The following CDC20 variants were observed in gnomAD, a reference collection of about 807,000 sequenced individuals.
The protein encoded by CDC20 is cell division cycle protein 20 homolog.
In CDC20, 34 loss-of-function variants were observed where a neutral mutation model predicts 60.0. That is an observed-to-expected ratio of 0.57 (90% CI 0.43 to 0.75). CDC20 has a LOEUF of 0.75. Ranked by LOEUF, CDC20 falls within the 30% of genes least tolerant of loss-of-function variation. The pLI, the probability that CDC20 is intolerant of heterozygous loss-of-function variation, is 0.00. For missense variants in CDC20, 469 were observed against 647.3 expected (o/e 0.72, Z 2.99); for synonymous variants, 198 against 243.5 (o/e 0.81, Z 1.74).
chr1:43,362,363 T>C (rs763187931), intron 10 of CDC20, 51 bp downstream of exon 10: 4 of 801,054 alleles, frequency 5.0e-6, no homozygotes, highest in Admixed American at 3.7e-5. Flanking sequence ...AATGTATGAC[T>C]GAAATGTCCA....
intron 9 of CDC20, 55 bp from the exon 10 acceptor site, chr1:43,362,140 T>C: frequency 9.6e-7 from 1 of 1,041,948 alleles, no homozygotes; most frequent in South Asian, 1.3e-5. Flanking sequence ...TGGGCTCAGT[T>C]CTGATTTAAG....
chr1:43,360,245 C>T lies in CDC20; in HGVS notation c.609C>T (p.Asp203=), dbSNP rs143085991. The T allele has an allele frequency of 1.0e-4, 165 of 1,614,196 alleles. No homozygotes were observed. In the African/African-American group the frequency reaches 1.8e-3, roughly 18 times the overall value. The change falls in exon 6 of 11, where the codon GAC becomes GAT. Residue 203 remains aspartate, a synonymous_variant. Coordinates refer to ENST00000310955, the MANE Select transcript of CDC20 (RefSeq NM_001255.3). The part of the protein sequence containing the change: ...SSGNVLAVAL[D]NSVYLWSASS... ...GGAATGTACTGGCCGTGGCACTGGA[C>T]AACAGTGTGTACCTGTGGAGTGCAA...
Position 43,359,737 on chromosome 1 carries a change from G to A in CDC20, c.343G>A (p.Ala115Thr), listed in dbSNP as rs749961221. Reference sequence around the variant, plus strand: ...CCCTTTATGCCAGGAACATCAGAAAGCCTGGGCTTTGAACCTGAACGGTTT... The same window carrying A: ...CCCTTTATGCCAGGAACATCAGAAAACCTGGGCTTTGAACCTGAACGGTTT... ...QTPTKKEHQK[A>T]WALNLNGFDV... The change falls in exon 4 of 11, where the codon GCC (alanine) becomes ACC (threonine). Residue 115 changes from alanine (A) to threonine (T), a missense_variant. Ala to Thr is a moderately conservative substitution (Grantham distance 58). Coordinates refer to ENST00000310955, the MANE Select transcript of CDC20 (RefSeq NM_001255.3). 5 of 1,613,766 alleles carry A rather than the reference G, an allele frequency of 3.1e-6. No homozygotes were observed. The highest frequency in any genetic ancestry group is 1.3e-5 in the African/African-American group (1 of 74,922).
At position 43,359,201 on chromosome 1, in the gene CDC20, C is replaced by T. The variant is rs779031369; in HGVS notation, c.-15C>T. On this transcript the variant is annotated 5_prime_UTR_variant, in exon 2 of 11. Transcript: ENST00000310955. ...GGCACCAACTGCAAGGACCCCTCCC[C>T]CTGCGGGCGCTCCCATGGCACAGTT... 1.1e-5 allele frequency: 18 copies of T among 1,611,532 alleles called. No individual in the cohort carries two copies. The highest frequency in any genetic ancestry group is 1.5e-5 in the Non-Finnish European group (18 of 1,179,886).
chr1:43,361,115 T>A lies in CDC20; in HGVS notation c.1078-5T>A, dbSNP rs1414661384. The A allele has an allele frequency of 1.9e-6, 3 of 1,613,892 alleles. No homozygotes were observed. Among genetic ancestry groups the A allele is most frequent in the Non-Finnish European group, 2.5e-6 (3 of 1,179,982 alleles). The stretch of plus-strand genomic sequence containing the variant: ...ACCTGCTGACCCCACCTTTATTCCA[T>A]CTAGGCCGTAGCATGGTGTCCCTGG... On this transcript the variant is annotated splice_region_variant and splice_polypyrimidine_tract_variant and intron_variant, in intron 8 of 10. Transcript: ENST00000310955.
chr1:43,359,822 G>T lies in CDC20; in HGVS notation c.427+1G>T, dbSNP rs1412208735. On this transcript the variant is annotated splice_donor_variant, in intron 4 of 10. Coordinates refer to ENST00000310955, the MANE Select transcript of CDC20 (RefSeq NM_001255.3). LOFTEE classifies it high-confidence loss of function. ...GGAAAACCACAAAATGCGCCAGAGGGTAAGACCCGAAGTTCCTGGTTCCTG... is the reference window on the plus strand; with the variant it reads ...GGAAAACCACAAAATGCGCCAGAGGTTAAGACCCGAAGTTCCTGGTTCCTG... 1 of 1,613,694 alleles carries T rather than the reference G, an allele frequency of 6.2e-7. No individual in the cohort carries two copies. The highest frequency in any genetic ancestry group is 8.5e-7 in the Non-Finnish European group (1 of 1,179,952).
intron 7 of CDC20, 50 bp from the exon 8 acceptor site, chr1:43,360,683 C>T: frequency 1.3e-6 from 2 of 1,584,506 alleles, no homozygotes; most frequent in Non-Finnish European, 1.7e-6. Context: ...CTCTGGCTTG[C>T]TTGCATTTGG....
At chr1:43,359,885 AT>A in intron 4 of CDC20, 64 bp downstream of exon 4, 1 of 1,609,658 alleles carries the variant, frequency 6.2e-7, no homozygotes, top group Non-Finnish European at 8.5e-7. Context: ...CTGAGCACAG[AT>A]ATCTGTCTCC....
chr1:43,360,739 A>C lies in CDC20; in HGVS notation c.855A>C (p.Ser285=), dbSNP rs1647169074. 1.2e-6 allele frequency: 2 copies of C among 1,612,690 alleles called. No individual in the cohort carries two copies. The highest frequency in any genetic ancestry group is 8.5e-7 in the Non-Finnish European group (1 of 1,178,986). The change falls in exon 8 of 11, where the codon TCA becomes TCC. Residue 285 remains serine, a synonymous_variant. Transcript: ENST00000310955. ...CCCTTCTTTCCTCCTCCAGTGGTTC[A>C]CGTTCTGGCCACATCCACCACCATG... ...SWNSYILSSG[S]RSGHIHHHDV...
chr1:43,362,016 A>T (rs1373461947), intron 9 of CDC20, among the ~76,000 whole-genome samples, 179 bp from the exon 10 acceptor site: 1 of 152,248 alleles, frequency 6.6e-6, no homozygotes, highest in East Asian at 1.9e-4. Context: ...CTGTAAAGGT[A>T]AAAAATGGTT....
In CDC20 at chr1:43,361,110, T is replaced by A. The variant is rs374006557; in HGVS notation, c.1078-10T>A. The A allele has an allele frequency of 2.5e-5, 41 of 1,613,870 alleles. No individual in the cohort carries two copies. The highest frequency in any genetic ancestry group is 3.3e-4 in the Middle Eastern group (2 of 6,072). ...CTAGTACCTGCTGACCCCACCTTTA[T>A]TCCATCTAGGCCGTAGCATGGTGTC... is the stretch of plus-strand genomic sequence containing the variant. On this transcript the variant is annotated splice_polypyrimidine_tract_variant and intron_variant, in intron 8 of 10. Coordinates refer to ENST00000310955, the MANE Select transcript of CDC20 (RefSeq NM_001255.3).
In CDC20 at chr1:43,359,262, T is replaced by A. The variant is rs1647158465; in HGVS notation, c.47T>A (p.Leu16Gln). ...AGTGACCTGCACTCGCTGCTTCAGCTGGATGCACCCATCCCCAATGCACCC... is the reference window on the plus strand; with the variant it reads ...AGTGACCTGCACTCGCTGCTTCAGCAGGATGCACCCATCCCCAATGCACCC... ...FESDLHSLLQ[L>Q]DAPIPNAPPA... The change falls in exon 2 of 11, where the codon CTG becomes CAG. Residue 16 changes from leucine to glutamine, a missense_variant. Around this residue, in one of 5 missense-constraint regions of CDC20, gnomAD observed 115 missense variants for 156.1 expected, o/e 0.74. Transcript: ENST00000310955. The A allele has an allele frequency of 6.2e-7, 1 of 1,611,770 alleles. No individual in the cohort carries two copies. Among genetic ancestry groups the A allele is most frequent in the South Asian group, 1.1e-5 (1 of 91,014 alleles).
rs1647180947 is a variant in CDC20, at chr1:43,363,085, G to T, written c.1456G>T (p.Ala486Ser). Residue 486 changes from alanine to serine, a missense_variant, in exon 11 of 11, where the codon GCC becomes TCC. Ala to Ser is a moderately conservative substitution (Grantham distance 99). This residue lies in a region of CDC20 where 72 missense variants were observed against 77.9 expected (regional missense o/e 0.92). Transcript: ENST00000310955. ...DPARRREREK[A>S]SAAKSSLIHQ... is the part of the protein sequence containing the mutation. ...TGCGCGGCGGCGGGAGCGGGAGAAG[G>T]CCAGTGCAGCCAAAAGCAGCCTCAT... 6.2e-7 allele frequency: 1 copy of T among 1,613,262 alleles called. No homozygotes were observed.
chr1:43,362,284 A>G lies in CDC20; in HGVS notation c.1293A>G (p.Pro431=). 6.3e-7 allele frequency: 1 copy of G among 1,585,494 alleles called. No individual in the cohort carries two copies. Among genetic ancestry groups the G allele is most frequent in the Non-Finnish European group, 8.7e-7 (1 of 1,153,948 alleles). Residue 431 remains proline (P), a synonymous_variant, in exon 10 of 11, where the codon CCA becomes CCG. Transcript: ENST00000310955. Reference sequence around the variant, plus strand: ...ACCAGCTAGTTATTTGGAAGTACCCAACCATGGCCAAGGTGGCTGAACTCA... The same window carrying G: ...ACCAGCTAGTTATTTGGAAGTACCCGACCATGGCCAAGGTGGCTGAACTCA... ...AQNQLVIWKY[P]TMAKVAELKG...
chr1:43,360,669 C>G, intron 7 of CDC20, 64 bp from the exon 8 acceptor site: 1 of 1,569,074 alleles, frequency 6.4e-7, no homozygotes, highest in South Asian at 1.1e-5. Flanking sequence ...CTGAACTGAA[C>G]CAGCTCTGGC....
chr1:43,360,118 G>A lies in CDC20; in HGVS notation c.556+21G>A, dbSNP rs2069384. On this transcript the variant is annotated intron_variant, in intron 5 of 10. Coordinates refer to ENST00000310955, the MANE Select transcript of CDC20 (RefSeq NM_001255.3). ...CTATTGTAAGTGCATCCTTATCCTC[G>A]CCTCATGCATGGAGAAAGAGGGCCT... is the stretch of plus-strand genomic sequence containing the variant. 2.0e-3 allele frequency: 3,258 copies of A among 1,614,104 alleles called. 34 individuals are homozygous for A. Among genetic ancestry groups the A allele is most frequent in the East Asian group, 0.02 (896 of 44,886 alleles).
intron 4 of CDC20, 36 bp from the exon 5 acceptor site, chr1:43,359,933 A>C (rs2153922135): frequency 1.2e-6 from 2 of 1,613,434 alleles, no homozygotes; most frequent in East Asian, 4.5e-5. Context: ...GGAGGTGTTG[A>C]TTTTCCCAGC....
intron 4 of CDC20, 58 bp downstream of exon 4, chr1:43,359,879 G>C: frequency 6.2e-7 from 1 of 1,609,302 alleles, no homozygotes; most frequent in Non-Finnish European, 8.5e-7. Flanking sequence ...CCAGGGCTGA[G>C]CACAGATATC....
intron 10 of CDC20, among the ~76,000 whole-genome samples, chr1:43,362,641 G>T (rs1289236205): frequency 6.6e-6 from 1 of 152,088 alleles, no homozygotes; most frequent in Non-Finnish European, 1.5e-5. Flanking sequence ...GAGGCGGGCA[G>T]ATCATGAGGT....
Sources: gnomAD v4.1 joint callset for allele counts (sites outside exome capture counted in the v4.1 genomes callset) on GRCh38, gnomAD v4.1.1 for gene constraint, gnomAD v4.1.1 regional missense constraint, MANE v1.5 for transcripts, NCBI Gene and HGNC (gene_info 2026-07-23, HGNC 2026-07-21) for gene names.